Variants in PACS2 observed in about 807,000 individuals in gnomAD.
PACS2 encodes the protein PACS1-like protein.
Under a neutral mutation model 113.0 loss-of-function variants are expected in PACS2, and 36 were observed. That is an observed-to-expected ratio of 0.32 (90% CI 0.24 to 0.42). The LOEUF (loss-of-function observed/expected upper bound fraction) is 0.42. PACS2 is among the 10% of genes least tolerant of loss of function. PACS2 has a pLI of 1.00. For synonymous variants in PACS2, 589 were observed against 536.1 expected (o/e 1.10, Z -1.36); for missense variants, 1,015 against 1,239.5 (o/e 0.82, Z 2.72).
In PACS2 at chr14:105,320,837, G is replaced by A. The variant is rs767112376; in HGVS notation, c.119+5800G>A. ...AATTGGAATCATTTCTTCCTTGAAT[G>A]TTTGGGATAATTCACTTATAAAATA... On this transcript the variant is annotated intron_variant, in intron 1 of 24. Coordinates refer to ENST00000447393, the MANE Select transcript of PACS2 (RefSeq NM_001100913.3). Among the ~76,000 whole-genome samples the A allele has an allele frequency of 2.6e-5, 4 of 152,176 alleles. 1 individual carries two copies. Among genetic ancestry groups the A allele is most frequent in the Admixed American group, 2.6e-4 (4 of 15,280 alleles).
chr14:105,341,306 TTTA>T (rs1410564655), intron 1 of PACS2, among the ~76,000 whole-genome samples: 13 of 152,236 alleles, frequency 8.5e-5, no homozygotes, highest in Non-Finnish European at 1.5e-4. Context: ...AGTCGGCTCT[TTTA>T]TTCACCTATT....
intron 1 of PACS2, among the ~76,000 whole-genome samples, chr14:105,335,421 G>A (rs587719392): frequency 5.9e-5 from 9 of 152,118 alleles, no homozygotes; most frequent in Admixed American, 6.5e-5. Context: ...TGGCTCTGAC[G>A]CTGTGGCCGG....
chr14:105,385,737 C>T lies in PACS2; in HGVS notation c.2033+20C>T, dbSNP rs1555413462. 3 of 1,465,978 alleles carry T rather than the reference C, an allele frequency of 2.0e-6. No individual in the cohort carries two copies. In the African/African-American group the frequency reaches 4.2e-5, roughly 21 times the overall value. 90.8% of individuals were successfully genotyped at this position (1,465,978 alleles called of 1,614,324 possible). ...CCTAAGGTACGGCTCTGTGGGTCTG[C>T]CTCCCACCCTGTCTGTCCCCAGGCT... On this transcript the variant is annotated intron_variant, in intron 19 of 24. Transcript: ENST00000447393.
chr14:105,370,633 G>T (rs1241226382), intron 8 of PACS2: 6 of 152,318 alleles, frequency 3.9e-5, no homozygotes, highest in African/African-American at 1.4e-4. Flanking sequence ...GGCCAAGGCT[G>T]CAGTGAGTGG....
rs983618413 is a variant in PACS2, at chr14:105,365,041, G to C, written c.424-2172G>C. On this transcript the variant is annotated intron_variant, in intron 4 of 24. Coordinates refer to ENST00000447393, the MANE Select transcript of PACS2 (RefSeq NM_001100913.3). The surrounding 1 kb of genome is among the most constrained non-coding windows in gnomAD (Gnocchi z 5.1). ...AAAATCTATTTGAAAATGGAAGAGG[G>C]AGGAGCCTGTCAGGGTCAGGGGTGG... Among the ~76,000 whole-genome samples, 4 of 152,262 alleles carry C rather than the reference G, an allele frequency of 2.6e-5. No individual in the cohort carries two copies. In the East Asian group the frequency reaches 7.7e-4, roughly 29 times the overall value.
rs782626670 is a variant in PACS2 at position 105,366,289 on chromosome 14, A to G, written c.424-924A>G. Among the ~76,000 whole-genome samples, 12 of 152,378 alleles carry G rather than the reference A, an allele frequency of 7.9e-5. 1 individual carries two copies. Among genetic ancestry groups the G allele is most frequent in the African/African-American group, 2.9e-4 (12 of 41,600 alleles). ...CTTGAACCCAGGAGGCGGAGGTTGCAGTGAGCCAAGATCGCACCATTGCAC... is the reference window on the plus strand; with the variant it reads ...CTTGAACCCAGGAGGCGGAGGTTGCGGTGAGCCAAGATCGCACCATTGCAC... On this transcript the variant is annotated intron_variant, in intron 4 of 24. Transcript: ENST00000447393. The surrounding 1 kb of genome is among the most constrained non-coding windows in gnomAD (Gnocchi z 4.3).
chr14:105,316,729 C>G (rs975837462), intron 1 of PACS2, among the ~76,000 whole-genome samples: 8 of 151,688 alleles, frequency 5.3e-5, no homozygotes, highest in African/African-American at 1.9e-4. Context: ...TTTCGAGAAG[C>G]CTGGTTAGGA....
At chr14:105,347,181 G>A (rs2059972747) in intron 1 of PACS2, among the ~76,000 whole-genome samples, 2 of 149,686 alleles carry the variant, frequency 1.3e-5, no homozygotes, top group Non-Finnish European at 3.0e-5. Context: ...ATCATCACCT[G>A]AGCAGCCAGG....
chr14:105,322,590 A>T (rs992839122), intron 1 of PACS2, among the ~76,000 whole-genome samples: 2 of 152,246 alleles, frequency 1.3e-5, no homozygotes, highest in Non-Finnish European at 2.9e-5. Flanking sequence ...TAATGTGCAT[A>T]GTTAATTGTA....
intron 8 of PACS2, among the ~76,000 whole-genome samples, chr14:105,373,787 CA>C (rs587725045): frequency 2.2e-3 from 306 of 136,878 alleles, no homozygotes; most frequent in Non-Finnish European, 1.9e-3. Flanking sequence ...GACCCTGTCT[CA>C]AAAAAAAAAA....
chr14:105,383,616 G>A (rs587739941), intron 16 of PACS2, 103 bp downstream of exon 16: 37 of 1,122,110 alleles, frequency 3.3e-5, no homozygotes, highest in African/African-American at 1.3e-4. Flanking sequence ...GTGGCGTGGC[G>A]TGGCGCGGTG....
chr14:105,332,104 G>A (rs1471216145), intron 1 of PACS2, among the ~76,000 whole-genome samples: 3 of 152,144 alleles, frequency 2.0e-5, no homozygotes, highest in Non-Finnish European at 4.4e-5. Context: ...ATCCTCCTTG[G>A]GACTTACTGA....
rs782352968 is a variant in PACS2 at position 105,382,880 on chromosome 14, C to T, written c.1592C>T (p.Ala531Val). ...TGCTCTCCTGCGGACGTCCAGGCGG[C>T]CTTCAGCACCATCGTCTCACGGATA... ...CTCSPADVQA[A>V]FSTIVSRIQR... The change falls in exon 15 of 25, where the codon GCC becomes GTC. Residue 531 changes from alanine (A) to valine (V), a missense_variant. By Grantham distance (64) the Ala-to-Val change is moderately conservative. Coordinates refer to ENST00000447393, the MANE Select transcript of PACS2 (RefSeq NM_001100913.3). The T allele has an allele frequency of 6.2e-7, 1 of 1,606,250 alleles. No individual in the cohort carries two copies. The highest frequency in any genetic ancestry group is 1.1e-5 in the South Asian group (1 of 91,050).
Position 105,383,438 on chromosome 14 carries a change from C to T in PACS2, c.1705C>T (p.Arg569Trp), listed in dbSNP as rs782038571. 3.1e-6 allele frequency: 5 copies of T among 1,609,400 alleles called. No individual in the cohort carries two copies. The highest frequency in any genetic ancestry group is 1.3e-5 in the African/African-American group (1 of 74,938). Residue 569 changes from arginine (R) to tryptophan (W), a missense_variant, in exon 16 of 25, where the codon CGG becomes TGG. Physicochemically the swap from Arg to Trp is moderately radical, Grantham distance 101 (BLOSUM62 -3). Coordinates refer to ENST00000447393, the MANE Select transcript of PACS2 (RefSeq NM_001100913.3). ...GCAGCATTACCTCAGTGCCATCCTG[C>T]GGCTCTTTGTGGAGCAGCTGTCCCA... ...GAQHYLSAIL[R>W]LFVEQLSHKT... is the part of the protein sequence containing the mutation.
chr14:105,363,747 T>A (rs1479399854), intron 4 of PACS2, among the ~76,000 whole-genome samples: 1 of 152,190 alleles, frequency 6.6e-6, no homozygotes, highest in African/African-American at 2.4e-5. Flanking sequence ...TGATTTAGTA[T>A]AAGGGGCCTC....
chr14:105,357,596 C>T lies in PACS2; in HGVS notation c.423+2419C>T, dbSNP rs149387092. On this transcript the variant is annotated intron_variant, in intron 4 of 24. Coordinates refer to ENST00000447393, the MANE Select transcript of PACS2 (RefSeq NM_001100913.3). The surrounding 1 kb of genome is among the most constrained non-coding windows in gnomAD (Gnocchi z 5.1). ...TTCATGGGCTCCCTGTGTCCTGCCA[C>T]CTTTTGGGGCTGGTTCCCACCTGTG... Among the ~76,000 whole-genome samples the T allele has an allele frequency of 4.4e-4, 67 of 152,312 alleles. No individual in the cohort carries two copies. Among genetic ancestry groups the T allele is most frequent in the African/African-American group, 1.5e-3 (64 of 41,576 alleles).
At chr14:105,385,634 C>T in intron 18 of PACS2, 51 bp from the exon 19 acceptor site, 1 of 1,410,604 alleles carries the variant, frequency 7.1e-7, no homozygotes, top group Admixed American at 2.2e-5. Context: ...TGGAGGGGTC[C>T]TGAGGGCGTC....
At position 105,392,802 on chromosome 14, in the gene PACS2, C is replaced by T; in HGVS notation, c.2439C>T (p.Pro813=). 2 of 1,608,712 alleles carry T rather than the reference C, an allele frequency of 1.2e-6. No individual in the cohort carries two copies. The highest frequency in any genetic ancestry group is 1.7e-6 in the Non-Finnish European group (2 of 1,179,828). The change falls in exon 23 of 25, where the codon CCC becomes CCT. Residue 813 remains proline (P), a synonymous_variant. Coordinates refer to ENST00000447393, the MANE Select transcript of PACS2 (RefSeq NM_001100913.3). ...LPSSGEAAAT[P]TMSMTVVTKE... ...GCAGCGGCGAGGCTGCAGCCACGCC[C>T]ACCATGTCCATGACCGTGGTCACCA...
chr14:105,323,942 G>T lies in PACS2; in HGVS notation c.119+8905G>T, dbSNP rs1204837170. On this transcript the variant is annotated intron_variant, in intron 1 of 24. Coordinates refer to ENST00000447393, the MANE Select transcript of PACS2 (RefSeq NM_001100913.3). The surrounding 1 kb of genome is among the most constrained non-coding windows in gnomAD (Gnocchi z 4.1). ...GGTGCGTGCACACCGCTCTGTCCGCGCAGGCTGTGCCCTGCTTTCAAGATG... is the reference window on the plus strand; with the variant it reads ...GGTGCGTGCACACCGCTCTGTCCGCTCAGGCTGTGCCCTGCTTTCAAGATG... 6.6e-6 allele frequency among the ~76,000 whole-genome samples: 1 copy of T among 152,244 alleles called. No individual in the cohort carries two copies. Among genetic ancestry groups the T allele is most frequent in the African/African-American group, 2.4e-5 (1 of 41,464 alleles).
Sources: allele counts gnomAD v4.1 joint callset (sites outside exome capture counted in the v4.1 genomes callset), GRCh38; gene constraint gnomAD v4.1.1; non-coding constraint Gnocchi (gnomAD v3.1); transcripts MANE v1.5; gene names NCBI Gene and HGNC (gene_info 2026-07-23, HGNC 2026-07-21).